Variants in SUPT3H observed in about 807,000 individuals in gnomAD.
The protein encoded by SUPT3H is SPT3 homolog, SAGA and STAGA complex component.
In SUPT3H, 44 loss-of-function variants were observed where a neutral mutation model predicts 44.3. The observed-to-expected ratio is 0.99, with a 90% confidence interval of 0.78 to 1.28. The LOEUF is 1.28. Among genes scored for constraint, SUPT3H ranks in the 50% most tolerant of loss-of-function variants. SUPT3H has a pLI of 0.00. For missense variants in SUPT3H, 380 were observed against 387.1 expected, an observed-to-expected ratio of 0.98 and a Z score of 0.15; for synonymous variants, 124 against 125.6, an observed-to-expected ratio of 0.99 and a Z score of 0.09.
At chr6:45,339,128 G>A (rs550805585) in intron 2 of SUPT3H, among the ~76,000 whole-genome samples, 10 of 152,030 alleles carry the variant, frequency 6.6e-5, no homozygotes, top group Non-Finnish European at 1.3e-4. Context: ...TTGACTATAA[G>A]GCTAAGTAAT....
intron 10 of SUPT3H, among the ~76,000 whole-genome samples, chr6:44,917,288 T>C (rs1767966206): frequency 1.3e-5 from 2 of 152,230 alleles, no homozygotes; most frequent in African/African-American, 2.4e-5. Context: ...ATAGTGTTCA[T>C]TAAATTTTTG....
chr6:45,276,874 T>C (rs1777116069), intron 2 of SUPT3H, among the ~76,000 whole-genome samples: 1 of 152,204 alleles, frequency 6.6e-6, no homozygotes, highest in Non-Finnish European at 1.5e-5. Context: ...ATTGCATTAC[T>C]GTAGCAATAG....
At chr6:44,869,090 T>C (rs1230498693) in intron 10 of SUPT3H, among the ~76,000 whole-genome samples, 1 of 152,232 alleles carries the variant, frequency 6.6e-6, no homozygotes. Flanking sequence ...TGTGCTCACA[T>C]GGATGGCATG....
intron 3 of SUPT3H, among the ~76,000 whole-genome samples, chr6:45,060,253 T>C (rs187208992): frequency 2.0e-5 from 3 of 152,046 alleles, no homozygotes; most frequent in East Asian, 3.9e-4. Context: ...AACAGATGCA[T>C]AGACTAATGG....
intron 3 of SUPT3H, among the ~76,000 whole-genome samples, chr6:45,087,993 T>C (rs1487671329): frequency 1.3e-5 from 2 of 152,092 alleles, no homozygotes; most frequent in African/African-American, 4.8e-5. Context: ...ATGCTGTTTC[T>C]TATTTCAATG....
intron 2 of SUPT3H, among the ~76,000 whole-genome samples, chr6:45,241,829 G>A (rs527989884): frequency 2.0e-5 from 3 of 152,142 alleles, no homozygotes; most frequent in Non-Finnish European, 2.9e-5. Flanking sequence ...AGTTTAAAGA[G>A]AATGGAATAT....
intron 2 of SUPT3H, among the ~76,000 whole-genome samples, chr6:45,161,387 C>T (rs961036253): frequency 2.0e-5 from 3 of 152,132 alleles, no homozygotes; most frequent in Non-Finnish European, 4.4e-5. Flanking sequence ...ATTGACTGCA[C>T]CTACCTCAGG....
chr6:44,824,477 T>C (rs537294144), downstream of SUPT3H, among the ~76,000 whole-genome samples: 79 of 152,084 alleles, frequency 5.2e-4, no homozygotes, highest in Non-Finnish European at 8.7e-4. Flanking sequence ...CTCAGTGATA[T>C]AGGGAGACCC....
At chr6:45,091,395 C>T (rs1407868547) in intron 3 of SUPT3H, among the ~76,000 whole-genome samples, 2 of 151,970 alleles carry the variant, frequency 1.3e-5, no homozygotes, top group Non-Finnish European at 2.9e-5. Context: ...ATTCTTCTTA[C>T]TGCAGAGAAC....
chr6:45,269,942 C>T (rs1193372703), intron 2 of SUPT3H, among the ~76,000 whole-genome samples: 1 of 152,152 alleles, frequency 6.6e-6, no homozygotes, highest in East Asian at 1.9e-4. Context: ...CCTGACCCTA[C>T]TCACTCCCTG....
chr6:45,355,134 C>G (rs1017061699), intron 2 of SUPT3H, among the ~76,000 whole-genome samples: 1 of 148,682 alleles, frequency 6.7e-6, no homozygotes, highest in Non-Finnish European at 1.5e-5. Flanking sequence ...GCCAAAAGAC[C>G]TGGCTTTTTT....
intron 10 of SUPT3H, among the ~76,000 whole-genome samples, chr6:44,888,252 C>T (rs571400377): frequency 6.6e-6 from 1 of 152,174 alleles, no homozygotes; most frequent in Admixed American, 6.5e-5. Flanking sequence ...GGAATCCTCC[C>T]TGACTCATTT....
intron 9 of SUPT3H, among the ~76,000 whole-genome samples, chr6:44,942,517 C>T (rs544921890): frequency 5.3e-5 from 8 of 152,194 alleles, no homozygotes; most frequent in African/African-American, 1.2e-4. Context: ...ACAGTAGGTG[C>T]GGAATGAGAA....
intron 2 of SUPT3H, among the ~76,000 whole-genome samples, chr6:45,350,940 G>C (rs1159827960): frequency 6.6e-6 from 1 of 152,106 alleles, no homozygotes; most frequent in Non-Finnish European, 1.5e-5. Context: ...GCTCTACCTC[G>C]TGTCAGATCA....
At chr6:45,113,827 CAAAA>C (rs374606230) in intron 2 of SUPT3H, among the ~76,000 whole-genome samples, 1 of 112,794 alleles carries the variant, frequency 8.9e-6, no homozygotes, top group African/African-American at 3.4e-5. Flanking sequence ...AAGACTCCAT[CAAAA>C]AAAAAAAAAA....
chr6:45,011,077 T>C (rs549570871), intron 5 of SUPT3H, among the ~76,000 whole-genome samples: 4 of 152,242 alleles, frequency 2.6e-5, no homozygotes, highest in South Asian at 4.1e-4. Context: ...CATTTGGTCA[T>C]GGTTTATAAT....
rs375724308 is a variant in SUPT3H at position 45,302,361 on chromosome 6, T to C, written c.101+62840A>G. Among the ~76,000 whole-genome samples, 7 of 151,650 alleles carry C rather than the reference T, an allele frequency of 4.6e-5. No individual in the cohort carries two copies. In the South Asian group the frequency reaches 6.2e-4, roughly 14 times the overall value. ...ATGAGTGAGAATATACAATGTTTGGTTTTCCATTCCTGAGTTACTTCATTT... is the reference window on the plus strand; with the variant it reads ...ATGAGTGAGAATATACAATGTTTGGCTTTCCATTCCTGAGTTACTTCATTT... On this transcript the variant is annotated intron_variant, in intron 2 of 10. Transcript: ENST00000371459.
At chr6:45,334,449 CAAA>C (rs551014969) in intron 2 of SUPT3H, among the ~76,000 whole-genome samples, 56 of 91,720 alleles carry the variant, frequency 6.1e-4, no homozygotes, top group Middle Eastern at 8.3e-3. Flanking sequence ...TCAGGAAAAG[CAAA>C]AAAAAAAAAA....
chr6:45,195,702 G>T (rs1815902515), intron 2 of SUPT3H, among the ~76,000 whole-genome samples: 1 of 152,056 alleles, frequency 6.6e-6, no homozygotes, highest in Non-Finnish European at 1.5e-5. Context: ...TTGCTATCTA[G>T]ATTTTTATAT....
Sources: gnomAD v4.1 joint callset for allele counts (sites outside exome capture counted in the v4.1 genomes callset) on GRCh38, gnomAD v4.1.1 for gene constraint, MANE v1.5 for transcripts, NCBI Gene and HGNC (gene_info 2026-07-23, HGNC 2026-07-21) for gene names.